The following VWC2L variants were observed in gnomAD, a reference collection of about 807,000 sequenced individuals.
VWC2L encodes von Willebrand factor C domain containing 2 like.
VWC2L carries 10 observed loss-of-function variants against 21.6 expected under a neutral mutation model. The ratio of observed to expected loss-of-function variants is 0.46; its 90% CI spans 0.29 to 0.78. The LOEUF (loss-of-function observed/expected upper bound fraction) is 0.78, where lower values mean the gene tolerates loss of function less well. Ranked by LOEUF, VWC2L falls within the 30% of genes least tolerant of loss-of-function variation. The pLI is 0.10. For synonymous variants in VWC2L, 96 were observed against 94.3 expected, an observed-to-expected ratio of 1.02 and a Z score of -0.10; for missense variants, 209 against 277.1, an observed-to-expected ratio of 0.75 and a Z score of 1.74.
intron 3 of VWC2L, among the ~76,000 whole-genome samples, chr2:214,499,571 G>A (rs1194883491): frequency 6.6e-6 from 1 of 151,930 alleles, no homozygotes; most frequent in South Asian, 2.1e-4. Flanking sequence ...GTTAATGGGT[G>A]CAGCACACCA....
At chr2:214,549,501 G>A (rs546657199) in intron 3 of VWC2L, among the ~76,000 whole-genome samples, 6 of 152,322 alleles carry the variant, frequency 3.9e-5, no homozygotes, top group East Asian at 1.9e-4. Flanking sequence ...TAGGCCAGGC[G>A]CAGTGGCTCA....
intron 3 of VWC2L, among the ~76,000 whole-genome samples, chr2:214,444,682 A>T (rs1360903114): frequency 1.3e-5 from 2 of 152,022 alleles, no homozygotes; most frequent in Non-Finnish European, 2.9e-5. Flanking sequence ...TGCTATTGGA[A>T]CAGAAATAAA....
chr2:214,514,598 G>A (rs1158004154), intron 3 of VWC2L, among the ~76,000 whole-genome samples: 1 of 152,132 alleles, frequency 6.6e-6, no homozygotes, highest in Non-Finnish European at 1.5e-5. Flanking sequence ...ATAGTAAGAG[G>A]AAATCATGAT....
intron 2 of VWC2L, among the ~76,000 whole-genome samples, chr2:214,421,786 A>T (rs915476764): frequency 2.8e-5 from 2 of 71,448 alleles, no homozygotes; most frequent in East Asian, 5.5e-4. Context: ...TGGATATGTT[A>T]AAAAAAATTG....
intron 3 of VWC2L, among the ~76,000 whole-genome samples, chr2:214,507,905 T>G (rs939978343): frequency 1.3e-5 from 2 of 152,188 alleles, no homozygotes; most frequent in African/African-American, 4.8e-5. Context: ...TCTTATTAGA[T>G]GTTATATTCA....
At chr2:214,489,402 C>T (rs757417343) in intron 3 of VWC2L, among the ~76,000 whole-genome samples, 5 of 152,090 alleles carry the variant, frequency 3.3e-5, no homozygotes, top group African/African-American at 4.8e-5. Context: ...TAGAGAGACT[C>T]GTTAAAAAGC....
At chr2:214,516,677 C>T (rs1377997896) in intron 3 of VWC2L, among the ~76,000 whole-genome samples, 4 of 149,914 alleles carry the variant, frequency 2.7e-5, no homozygotes, top group Non-Finnish European at 3.0e-5. Context: ...AAAAAGGAAG[C>T]TGGGGAAGAA....
chr2:214,557,577 TCAAA>T (rs1447017970), intron 3 of VWC2L, among the ~76,000 whole-genome samples: 3 of 152,140 alleles, frequency 2.0e-5, no homozygotes, highest in Non-Finnish European at 4.4e-5. Context: ...TCAACCCTAC[TCAAA>T]CAAATATATT....
chr2:214,518,458 G>A (rs11887687), intron 3 of VWC2L, among the ~76,000 whole-genome samples: 4,996 of 152,224 alleles, frequency 0.033, 269 homozygotes, highest in African/African-American at 0.11. Context: ...AGGGAACTTG[G>A]CTGAGAAGTT....
intron 3 of VWC2L, chr2:214,472,252 G>A (rs562184132): frequency 6.6e-6 from 1 of 152,266 alleles, no homozygotes; most frequent in East Asian, 1.9e-4. Flanking sequence ...TTCCATTCCT[G>A]AAGAAGGAGA....
intron 2 of VWC2L, among the ~76,000 whole-genome samples, chr2:214,426,190 A>AAAAAAT (rs1316217892): frequency 8.7e-5 from 13 of 149,400 alleles, no homozygotes; most frequent in South Asian, 2.1e-4. Flanking sequence ...AAAAAAAAAA[A>AAAAAAT]AAAAAAGTAA....
Position 214,418,100 on chromosome 2 carries a change from C to T in VWC2L, c.390+3517C>T, listed in dbSNP as rs117563891. Among the ~76,000 whole-genome samples the T allele has an allele frequency of 3.1e-4, 47 of 152,198 alleles. 2 individuals carry two copies. In the East Asian group the frequency reaches 9.1e-3, roughly 30 times the overall value. On this transcript the variant is annotated intron_variant, in intron 2 of 3. Coordinates refer to ENST00000312504, the MANE Select transcript of VWC2L (RefSeq NM_001080500.4). ...CTGTTTAAATCCTACTGGACCACTT[C>T]AAGGCTCCATTTAAATCTCACCTCA...
chr2:214,463,845 TTC>T (rs1462687912), intron 3 of VWC2L, among the ~76,000 whole-genome samples: 1 of 152,152 alleles, frequency 6.6e-6, no homozygotes, highest in African/African-American at 2.4e-5. Context: ...TCATTTTTTA[TTC>T]TTTTTTCTTT....
intron 3 of VWC2L, among the ~76,000 whole-genome samples, chr2:214,503,018 A>G (rs1331725659): frequency 6.6e-6 from 1 of 152,214 alleles, no homozygotes; most frequent in Non-Finnish European, 1.5e-5. Flanking sequence ...GAGAACCAAT[A>G]TCTTCCCCAT....
At chr2:214,547,459 G>A (rs1202692481) in intron 3 of VWC2L, among the ~76,000 whole-genome samples, 1 of 152,206 alleles carries the variant, frequency 6.6e-6, no homozygotes, top group Non-Finnish European at 1.5e-5. Flanking sequence ...TAGAAGATAT[G>A]TAAACACTTT....
chr2:214,513,699 G>T (rs370124134), intron 3 of VWC2L, among the ~76,000 whole-genome samples: 1 of 151,924 alleles, frequency 6.6e-6, no homozygotes, highest in Non-Finnish European at 1.5e-5. Flanking sequence ...TGGTTCTATC[G>T]AGCCATCTCT....
At chr2:214,481,773 A>G (rs1012907397) in intron 3 of VWC2L, among the ~76,000 whole-genome samples, 18 of 152,228 alleles carry the variant, frequency 1.2e-4, no homozygotes, top group African/African-American at 4.3e-4. Context: ...ATTTTGTAAT[A>G]TGATAGCATT....
chr2:214,426,685 G>A (rs1702528684), intron 2 of VWC2L, among the ~76,000 whole-genome samples: 1 of 152,262 alleles, frequency 6.6e-6, no homozygotes, highest in East Asian at 1.9e-4. Context: ...ATCAAAAAAG[G>A]TCTTCTAACT....
intron 3 of VWC2L, among the ~76,000 whole-genome samples, chr2:214,522,979 T>A (rs896814066): frequency 1.3e-5 from 2 of 152,234 alleles, no homozygotes; most frequent in Non-Finnish European, 2.9e-5. Context: ...ATATAATATA[T>A]TCAGACACAC....
Sources: allele counts gnomAD v4.1 joint callset (sites outside exome capture counted in the v4.1 genomes callset), GRCh38; gene constraint gnomAD v4.1.1; transcripts MANE v1.5; gene names NCBI Gene and HGNC (gene_info 2026-07-23, HGNC 2026-07-21).